PIP5K1B: variants seen among roughly 807,000 people sequenced by gnomAD.
PIP5K1B encodes phosphatidylinositol-4-phosphate 5-kinase type 1 beta, also known as phosphatidylinositol 4-phosphate 5-kinase type-1 beta.
In PIP5K1B, 42 loss-of-function variants were observed where a neutral mutation model predicts 67.0. That is an observed-to-expected ratio of 0.63 (90% CI 0.49 to 0.81). The LOEUF is 0.81. Ranked by LOEUF, PIP5K1B falls within the 30% of genes least tolerant of loss-of-function variation. The pLI, the probability that PIP5K1B is intolerant of heterozygous loss-of-function variation, is 0.00. For synonymous variants in PIP5K1B, 214 were observed against 231.4 expected, an observed-to-expected ratio of 0.92 and a Z score of 0.68; for missense variants, 459 against 646.3, an observed-to-expected ratio of 0.71 and a Z score of 3.14.
At chr9:68,856,822 A>G (rs1386407928) in intron 4 of PIP5K1B, among the ~76,000 whole-genome samples, 5 of 152,208 alleles carry the variant, frequency 3.3e-5, no homozygotes, top group African/African-American at 1.2e-4. Context: ...TCAATCCTGA[A>G]GTAGAGGAGT....
chr9:68,916,153 C>T (rs531672348), intron 8 of PIP5K1B, among the ~76,000 whole-genome samples: 117 of 152,278 alleles, frequency 7.7e-4, no homozygotes, highest in African/African-American at 2.6e-3. Context: ...CAGAGACAGC[C>T]GTTCTGACAA....
At chr9:68,972,086 C>T (rs148404663) in intron 14 of PIP5K1B, among the ~76,000 whole-genome samples, 1 of 152,052 alleles carries the variant, frequency 6.6e-6, no homozygotes, top group African/African-American at 2.4e-5. Flanking sequence ...AATGGTAATG[C>T]CTAGGTTTTC....
intron 15 of PIP5K1B, among the ~76,000 whole-genome samples, chr9:69,000,850 G>A (rs2871223): frequency 0.28 from 41,734 of 151,534 alleles, 5,995 homozygotes; most frequent in South Asian, 0.34. Flanking sequence ...GGAAAATGCC[G>A]CCGAGGAAAG....
chr9:68,732,553 A>G (rs1828495112), intron 1 of PIP5K1B, among the ~76,000 whole-genome samples: 1 of 152,284 alleles, frequency 6.6e-6, no homozygotes, highest in Non-Finnish European at 1.5e-5. Flanking sequence ...AACTTTGACC[A>G]CCTACTGTTT....
chr9:68,807,440 T>C (rs1043567392), intron 2 of PIP5K1B, among the ~76,000 whole-genome samples: 5 of 152,202 alleles, frequency 3.3e-5, no homozygotes, highest in African/African-American at 7.2e-5. Flanking sequence ...CCTGCAATGA[T>C]TGTATTTATT....
At chr9:68,959,727 T>C (rs918420630) in intron 14 of PIP5K1B, among the ~76,000 whole-genome samples, 7 of 152,250 alleles carry the variant, frequency 4.6e-5, no homozygotes, top group Non-Finnish European at 1.0e-4. Flanking sequence ...AGTTTCATTA[T>C]ATTTCCTTAT....
chr9:68,922,036 C>G (rs7047250), intron 11 of PIP5K1B, among the ~76,000 whole-genome samples: 16,840 of 152,142 alleles, frequency 0.11, 2,124 homozygotes, highest in African/African-American at 0.31. Context: ...TTATAGGCAA[C>G]GGCTGAACTT....
rs185794699 is a variant in PIP5K1B at position 69,001,816 on chromosome 9, C to T, written c.1621-6631C>T. 7.9e-5 allele frequency among the ~76,000 whole-genome samples: 12 copies of T among 152,284 alleles called. No individual in the cohort carries two copies. The East Asian group carries it at 2.3e-3, about 29-fold the overall frequency. ...ATCATGAGGTAACCACCCAGATTTA[C>T]AATTAGCAGGAGTCACTCAAGTGCT... On this transcript the variant is annotated intron_variant, in intron 15 of 15. Coordinates refer to ENST00000265382, the MANE Select transcript of PIP5K1B (RefSeq NM_003558.4).
At position 68,941,204 on chromosome 9, in the gene PIP5K1B, C is replaced by T. The variant is rs999075790; in HGVS notation, c.1502+414C>T. 86 of 428,288 alleles carry T rather than the reference C, an allele frequency of 2.0e-4. 1 individual carries two copies. Among genetic ancestry groups the T allele is most frequent in the South Asian group, 1.4e-3 (83 of 58,696 alleles). 26.5% of individuals were successfully genotyped at this position (428,288 alleles called of 1,614,324 possible). On this transcript the variant is annotated intron_variant, in intron 14 of 15. Transcript: ENST00000265382. ...TATGGTAAACAGAATAATTGCTCCCCCAAAGCTATCCACATCCTAATTCCT... is the reference window on the plus strand; with the variant it reads ...TATGGTAAACAGAATAATTGCTCCCTCAAAGCTATCCACATCCTAATTCCT...
At chr9:69,001,109 G>A (rs888335963) in intron 15 of PIP5K1B, among the ~76,000 whole-genome samples, 1 of 151,662 alleles carries the variant, frequency 6.6e-6, no homozygotes, top group African/African-American at 2.4e-5. Flanking sequence ...GTTTCAGCAT[G>A]TGGGCCAGGC....
chr9:68,856,872 C>T (rs1822804638), intron 4 of PIP5K1B, among the ~76,000 whole-genome samples: 1 of 152,196 alleles, frequency 6.6e-6, no homozygotes, highest in Non-Finnish European at 1.5e-5. Flanking sequence ...AGATCTATGT[C>T]CTAATCCCTG....
chr9:68,811,440 G>A (rs985770165), intron 2 of PIP5K1B, among the ~76,000 whole-genome samples: 13 of 152,160 alleles, frequency 8.5e-5, no homozygotes, highest in African/African-American at 1.9e-4. Context: ...AGGGATTGGC[G>A]GGTAGAAGGT....
rs371264972 is a variant in PIP5K1B, at chr9:68,844,602, A to T, written c.70-19235A>T. 1.6e-4 allele frequency among the ~76,000 whole-genome samples: 21 copies of T among 134,700 alleles called. No individual in the cohort carries two copies. In the East Asian group the frequency reaches 4.2e-3, roughly 27 times the overall value. The allele number at this position is 134,700 out of a possible 152,430, so 88.4% of individuals were successfully genotyped here. A position where few individuals can be genotyped will look rare whatever the true frequency, so the allele number is the denominator to read the frequency against. On this transcript the variant is annotated intron_variant, in intron 4 of 15. Coordinates refer to ENST00000265382, the MANE Select transcript of PIP5K1B (RefSeq NM_003558.4). ...TCCAATGGGGGAGATCCAGTGGGGG[A>T]GATCCAATGGGGGAGATCTAATGGG...
At chr9:68,878,747 G>A (rs1208792837) in intron 6 of PIP5K1B, among the ~76,000 whole-genome samples, 1 of 152,174 alleles carries the variant, frequency 6.6e-6, no homozygotes, top group Non-Finnish European at 1.5e-5. Flanking sequence ...AAAAACTGAA[G>A]CAAAACATGA....
At chr9:68,938,660 G>C (rs2132626964) in intron 13 of PIP5K1B, among the ~76,000 whole-genome samples, 1 of 152,092 alleles carries the variant, frequency 6.6e-6, no homozygotes, top group Non-Finnish European at 1.5e-5. Flanking sequence ...GTTTTGAGCT[G>C]GGCTGAGTTC....
At chr9:68,950,508 C>T (rs1481082485) in intron 14 of PIP5K1B, among the ~76,000 whole-genome samples, 1 of 152,152 alleles carries the variant, frequency 6.6e-6, no homozygotes, top group African/African-American at 2.4e-5. Flanking sequence ...CTCTTCGAGA[C>T]GTTTCCCTTT....
intron 12 of PIP5K1B, among the ~76,000 whole-genome samples, chr9:68,931,669 C>T (rs1827004561): frequency 6.6e-6 from 1 of 152,152 alleles, no homozygotes; most frequent in African/African-American, 2.4e-5. Context: ...GAAAGAACAG[C>T]ATGTGCAAAG....
At chr9:68,805,360 G>A (rs966525093) in intron 2 of PIP5K1B, among the ~76,000 whole-genome samples, 5 of 152,194 alleles carry the variant, frequency 3.3e-5, no homozygotes, top group South Asian at 2.1e-4. Context: ...TTGGGAGCAG[G>A]GCAATGAGGG....
intron 2 of PIP5K1B, among the ~76,000 whole-genome samples, chr9:68,794,382 A>G (rs1832168478): frequency 7.1e-6 from 1 of 141,206 alleles, no homozygotes; most frequent in Non-Finnish European, 1.5e-5. Context: ...AGGATAAATG[A>G]CAGTTTCTTT....
Sources: gnomAD v4.1 joint callset for allele counts (sites outside exome capture counted in the v4.1 genomes callset) on GRCh38, gnomAD v4.1.1 for gene constraint, MANE v1.5 for transcripts, NCBI Gene and HGNC (gene_info 2026-07-23, HGNC 2026-07-21) for gene names.